Variants in CNTNAP2 observed in about 807,000 individuals in gnomAD.
The protein encoded by CNTNAP2 is contactin-associated protein-like 2.
Under a neutral mutation model 155.2 loss-of-function variants are expected in CNTNAP2, and 98 were observed. That is an observed-to-expected ratio of 0.63 (90% CI 0.54 to 0.75). The LOEUF (loss-of-function observed/expected upper bound fraction) is 0.75, where lower values mean the gene tolerates loss of function less well. Among genes scored for constraint, CNTNAP2 ranks in the 30% least tolerant of loss-of-function variants. The pLI, the probability that CNTNAP2 is intolerant of heterozygous loss-of-function variation, is 0.00. For synonymous variants in CNTNAP2, 651 were observed against 631.2 expected, an observed-to-expected ratio of 1.03 and a Z score of -0.47; for missense variants, 1,727 against 1,688.1, an observed-to-expected ratio of 1.02 and a Z score of -0.40.
chr7:148,241,182 T>A (rs978161450), intron 20 of CNTNAP2, among the ~76,000 whole-genome samples: 3 of 152,218 alleles, frequency 2.0e-5, no homozygotes, highest in African/African-American at 7.2e-5. Context: ...AGTAAGTCCA[T>A]CTTTTCTAAT....
chr7:147,627,795 T>C (rs532738015), intron 12 of CNTNAP2, among the ~76,000 whole-genome samples: 5 of 151,576 alleles, frequency 3.3e-5, no homozygotes, highest in Non-Finnish European at 7.4e-5. Context: ...ATCACAACTT[T>C]TGGAAATGAA....
At chr7:147,210,019 C>T (rs1160100620) in intron 8 of CNTNAP2, among the ~76,000 whole-genome samples, 1 of 151,960 alleles carries the variant, frequency 6.6e-6, no homozygotes, top group African/African-American at 2.4e-5. Context: ...AGGATTTTTG[C>T]ATCTTTGTTC....
At chr7:146,941,719 T>A (rs1797061152) in intron 3 of CNTNAP2, among the ~76,000 whole-genome samples, 1 of 152,058 alleles carries the variant, frequency 6.6e-6, no homozygotes, top group Non-Finnish European at 1.5e-5. Context: ...TAGAAAAGTC[T>A]TTGTCTCTTT....
intron 13 of CNTNAP2, among the ~76,000 whole-genome samples, chr7:147,764,692 A>G (rs1797358165): frequency 6.6e-6 from 1 of 152,232 alleles, no homozygotes; most frequent in Admixed American, 6.5e-5. Flanking sequence ...CTAGTTAAAC[A>G]TATTGTAAAT....
chr7:146,535,187 G>GATATTATATCATATATCAT (rs1797837189), intron 1 of CNTNAP2, among the ~76,000 whole-genome samples: 1 of 20,604 alleles, frequency 4.9e-5, no homozygotes, highest in South Asian at 1.5e-3. Flanking sequence ...TCATATATAT[G>GATATTATATCATATATCAT]ATATTATATC....
intron 11 of CNTNAP2, among the ~76,000 whole-genome samples, 161 bp downstream of exon 11, chr7:147,486,202 A>C (rs1798508728): frequency 6.6e-6 from 1 of 152,022 alleles, no homozygotes; most frequent in South Asian, 2.1e-4. Context: ...AAAAAAAATA[A>C]AATACACTAT....
chr7:148,123,087 T>C (rs752075402), intron 16 of CNTNAP2, among the ~76,000 whole-genome samples: 10 of 152,126 alleles, frequency 6.6e-5, no homozygotes, highest in Non-Finnish European at 1.3e-4. Flanking sequence ...TAGGAGGATC[T>C]AATCAAGTGG....
intron 9 of CNTNAP2, among the ~76,000 whole-genome samples, chr7:147,327,076 G>C (rs1160801799): frequency 2.6e-5 from 4 of 152,198 alleles, no homozygotes; most frequent in Non-Finnish European, 5.9e-5. Flanking sequence ...CAGGCAAGCT[G>C]AGGAAATTTC....
rs146284123 is a variant in CNTNAP2 at position 146,786,180 on chromosome 7, G to A, written c.208+11799G>A. On this transcript the variant is annotated intron_variant, in intron 2 of 23. Coordinates refer to ENST00000361727, the MANE Select transcript of CNTNAP2 (RefSeq NM_014141.6). ...ATTCCTCTATACCAAATGAGTGACT[G>A]TATTTTTCAATATCTACTCTCCTGT... is the stretch of plus-strand genomic sequence containing the variant. Among the ~76,000 whole-genome samples the A allele has an allele frequency of 6.6e-3, 1,011 of 152,254 alleles. 12 individuals carry two copies. The highest frequency in any genetic ancestry group is 0.023 in the African/African-American group (939 of 41,532).
At chr7:146,656,513 C>T (rs1799997772) in intron 1 of CNTNAP2, among the ~76,000 whole-genome samples, 1 of 152,098 alleles carries the variant, frequency 6.6e-6, no homozygotes, top group South Asian at 2.1e-4. Flanking sequence ...ACTAAATGGC[C>T]ACTTGTAAGC....
At chr7:148,262,931 C>A in intron 20 of CNTNAP2, 1 of 152,414 alleles carries the variant, frequency 6.6e-6, no homozygotes, top group Non-Finnish European at 1.5e-5. Flanking sequence ...TAACACTCGG[C>A]AAAGCATCCG....
At chr7:147,597,206 G>A (rs986462647) in intron 12 of CNTNAP2, among the ~76,000 whole-genome samples, 3 of 151,992 alleles carry the variant, frequency 2.0e-5, no homozygotes, top group African/African-American at 7.2e-5. Context: ...TTTCTTGTGC[G>A]AGATCCAAGA....
chr7:147,079,957 A>C (rs946675210), intron 4 of CNTNAP2, among the ~76,000 whole-genome samples: 1 of 151,358 alleles, frequency 6.6e-6, no homozygotes, highest in Non-Finnish European at 1.5e-5. Flanking sequence ...GTAAAAGGGC[A>C]CAAAGTTAGT....
At chr7:146,504,629 C>A (rs932362616) in intron 1 of CNTNAP2, among the ~76,000 whole-genome samples, 2 of 152,192 alleles carry the variant, frequency 1.3e-5, no homozygotes, top group Non-Finnish European at 1.5e-5. Context: ...ACGACACCTG[C>A]TCCAGGGATG....
Position 148,415,969 on chromosome 7 carries a change from T to TAAA in CNTNAP2, c.*355_*356insAAA. On this transcript the variant is annotated 3_prime_UTR_variant, in exon 24 of 24. Transcript: ENST00000361727. ...TAACAGGGCAAGTTTTCTACGTTTT[T>TAAA]AAGAGCCCTTAGAACGTGGGTATTT... is the stretch of plus-strand genomic sequence containing the variant. 1 of 298,002 alleles carries TAAA rather than the reference T, an allele frequency of 3.4e-6. No individual in the cohort carries two copies. Among genetic ancestry groups the TAAA allele is most frequent in the East Asian group, 7.0e-5 (1 of 14,334 alleles). The allele number at this position is 298,002 out of a possible 1,614,324, so 18.5% of individuals were successfully genotyped here. A position where few individuals can be genotyped will look rare whatever the true frequency, so the allele number is the denominator to read the frequency against.
chr7:146,218,847 A>G (rs1311669032), intron 1 of CNTNAP2, among the ~76,000 whole-genome samples: 1 of 152,210 alleles, frequency 6.6e-6, no homozygotes, highest in African/African-American at 2.4e-5. Flanking sequence ...AGTAATAAGA[A>G]GAAAGAGCCC....
At chr7:147,575,213 C>A (rs1216571073) in intron 12 of CNTNAP2, among the ~76,000 whole-genome samples, 1 of 22,630 alleles carries the variant, frequency 4.4e-5, no homozygotes, top group Non-Finnish European at 8.4e-5. Context: ...TATTCCCTAG[C>A]TTTAGGAGTA....
intron 10 of CNTNAP2, among the ~76,000 whole-genome samples, chr7:147,484,320 T>C (rs967123631): frequency 3.3e-5 from 5 of 152,226 alleles, no homozygotes; most frequent in African/African-American, 1.2e-4. Flanking sequence ...TCTCATTTTC[T>C]TCTCTTGTAG....
At chr7:147,600,450 GC>G (rs1800922265) in intron 12 of CNTNAP2, among the ~76,000 whole-genome samples, 1 of 152,140 alleles carries the variant, frequency 6.6e-6, no homozygotes, top group Non-Finnish European at 1.5e-5. Flanking sequence ...AAATCAGCAT[GC>G]CCAAGTTCCA....
Sources: gnomAD v4.1 joint callset for allele counts (sites outside exome capture counted in the v4.1 genomes callset) on GRCh38, gnomAD v4.1.1 for gene constraint, MANE v1.5 for transcripts, NCBI Gene and HGNC (gene_info 2026-07-23, HGNC 2026-07-21) for gene names.